Variants in LARGE1 observed in about 807,000 individuals in gnomAD.
The protein encoded by LARGE1 is LARGE xylosyl- and glucuronyltransferase 1, also known as xylosyl- and glucuronyltransferase LARGE1.
LARGE1 carries 43 observed loss-of-function variants against 87.6 expected under a neutral mutation model. The ratio of observed to expected loss-of-function variants is 0.49; its 90% CI spans 0.38 to 0.63. LARGE1 has a LOEUF of 0.63. Among genes scored for constraint, LARGE1 ranks in the 30% least tolerant of loss-of-function variants. The pLI is 0.00. For synonymous variants in LARGE1, 434 were observed against 394.6 expected (o/e 1.10, Z -1.18); for missense variants, 802 against 1,000.2 (o/e 0.80, Z 2.67).
At chr22:33,237,550 A>G (rs1227018603) in intron 11 of LARGE1, among the ~76,000 whole-genome samples, 1 of 152,208 alleles carries the variant, frequency 6.6e-6, no homozygotes, top group African/African-American at 2.4e-5. Flanking sequence ...AAGAACTATA[A>G]GTATATTTAA....
intron 2 of LARGE1, among the ~76,000 whole-genome samples, chr22:33,697,549 C>CAA (rs3072289): frequency 1.7e-4 from 9 of 54,110 alleles, no homozygotes; most frequent in East Asian, 6.4e-4. Context: ...GACTCTGTCC[C>CAA]AAAAAAAAAA....
At chr22:33,378,103 T>G (rs1440646597) in intron 9 of LARGE1, among the ~76,000 whole-genome samples, 1 of 152,232 alleles carries the variant, frequency 6.6e-6, no homozygotes, top group Non-Finnish European at 1.5e-5. Flanking sequence ...TTGTGATTCC[T>G]GAGAACCTTG....
chr22:33,157,869 T>G (rs909733616), downstream of LARGE1, among the ~76,000 whole-genome samples: 2 of 151,734 alleles, frequency 1.3e-5, no homozygotes, highest in African/African-American at 2.4e-5. Flanking sequence ...ATCTTTAGAG[T>G]GATGAAAGGA....
At chr22:33,667,531 TG>T (rs1201983435) in intron 2 of LARGE1, among the ~76,000 whole-genome samples, 4 of 152,174 alleles carry the variant, frequency 2.6e-5, no homozygotes, top group African/African-American at 9.7e-5. Flanking sequence ...ACAGCCTGAT[TG>T]TAATGAGAAA....
At chr22:33,689,957 A>G (rs796671152) in intron 2 of LARGE1, among the ~76,000 whole-genome samples, 44 of 152,160 alleles carry the variant, frequency 2.9e-4, no homozygotes, top group African/African-American at 1.0e-3. Flanking sequence ...AATGATATGA[A>G]TAACTAATCT....
intron 9 of LARGE1, among the ~76,000 whole-genome samples, chr22:33,340,527 T>C (rs903579189): frequency 6.6e-6 from 1 of 151,852 alleles, no homozygotes; most frequent in African/African-American, 2.4e-5. Flanking sequence ...ATATTCTCAA[T>C]GCTCCTTGGC....
chr22:33,498,768 G>A (rs1003447744), intron 6 of LARGE1, among the ~76,000 whole-genome samples: 19 of 152,182 alleles, frequency 1.2e-4, no homozygotes, highest in East Asian at 7.8e-4. Context: ...TCAGGAGATC[G>A]AGACCACCCT....
chr22:33,671,832 CA>C lies in LARGE1; in HGVS notation c.107-21165del, dbSNP rs759625073. Among the ~76,000 whole-genome samples, 142 of 152,202 alleles carry C rather than the reference CA, an allele frequency of 9.3e-4. 1 individual carries two copies. The highest frequency in any genetic ancestry group is 1.5e-3 in the Admixed American group (23 of 15,290). ...TCGCCAAGGTCTGATTGCAAAAATT[CA>C]AAAAATTGCAACCTCCAGCATAAAT... is the stretch of plus-strand genomic sequence containing the variant. On this transcript the variant is annotated intron_variant, in intron 2 of 14. Transcript: ENST00000397394.
At chr22:33,853,600 A>G (rs1422315097) in intron 1 of LARGE1, among the ~76,000 whole-genome samples, 1 of 152,252 alleles carries the variant, frequency 6.6e-6, no homozygotes, top group Admixed American at 6.5e-5. Context: ...TGTGGCCTAC[A>G]TAACCCTTAA....
At chr22:33,433,188 T>C (rs151194790) in intron 6 of LARGE1, among the ~76,000 whole-genome samples, 44 of 152,358 alleles carry the variant, frequency 2.9e-4, no homozygotes, top group Non-Finnish European at 5.1e-4. Context: ...GGAGCTAGGA[T>C]AGACATCTAC....
chr22:33,515,136 A>T (rs899881366), intron 6 of LARGE1, among the ~76,000 whole-genome samples: 5 of 152,286 alleles, frequency 3.3e-5, no homozygotes, highest in African/African-American at 1.2e-4. Flanking sequence ...AAAAAAATAA[A>T]AAATAAAAAA....
At chr22:33,516,977 T>C (rs546751271) in intron 6 of LARGE1, among the ~76,000 whole-genome samples, 3 of 152,310 alleles carry the variant, frequency 2.0e-5, no homozygotes, top group African/African-American at 7.2e-5. Context: ...ATGTTGACTA[T>C]AGCCTTAAAA....
chr22:33,454,604 C>G (rs2068057586), intron 6 of LARGE1, among the ~76,000 whole-genome samples: 1 of 131,946 alleles, frequency 7.6e-6, no homozygotes, highest in South Asian at 2.4e-4. Flanking sequence ...GGTGACAGAG[C>G]AAGACTCTGT....
chr22:33,216,821 A>T (rs1925228391), intron 11 of LARGE1, among the ~76,000 whole-genome samples: 1 of 152,256 alleles, frequency 6.6e-6, no homozygotes, highest in African/African-American at 2.4e-5. Context: ...GAAAAGAAGA[A>T]AGATACATGC....
chr22:33,611,516 C>A (rs111499622), intron 4 of LARGE1, among the ~76,000 whole-genome samples: 1 of 152,190 alleles, frequency 6.6e-6, no homozygotes, highest in African/African-American at 2.4e-5. Context: ...AGAGTGTTGA[C>A]CTCATGCCTG....
chr22:33,650,864 T>C (rs2080780360), intron 2 of LARGE1, among the ~76,000 whole-genome samples, 196 bp from the exon 3 acceptor site: 2 of 152,182 alleles, frequency 1.3e-5, no homozygotes, highest in Admixed American at 1.3e-4. Flanking sequence ...GAACAACTTA[T>C]TATGGTGATA....
At chr22:33,481,377 T>G (rs2069320186) in intron 6 of LARGE1, among the ~76,000 whole-genome samples, 1 of 152,160 alleles carries the variant, frequency 6.6e-6, no homozygotes, top group Admixed American at 6.5e-5. Flanking sequence ...ACTTCTTCAG[T>G]GGAGAACATT....
At chr22:33,518,918 A>G (rs1405198689) in intron 6 of LARGE1, among the ~76,000 whole-genome samples, 4 of 152,166 alleles carry the variant, frequency 2.6e-5, no homozygotes, top group African/African-American at 4.8e-5. Flanking sequence ...CCAGGGACCA[A>G]CATCCTAGAT....
intron 7 of LARGE1, among the ~76,000 whole-genome samples, chr22:33,407,398 G>A (rs1224181894): frequency 2.0e-5 from 3 of 152,204 alleles, no homozygotes; most frequent in Non-Finnish European, 4.4e-5. Context: ...AGTATCCAAT[G>A]AATGTATTAG....
Sources: gnomAD v4.1 joint callset for allele counts (sites outside exome capture counted in the v4.1 genomes callset) on GRCh38, gnomAD v4.1.1 for gene constraint, MANE v1.5 for transcripts, NCBI Gene and HGNC (gene_info 2026-07-23, HGNC 2026-07-21) for gene names.